NFIA: variants seen among roughly 807,000 people sequenced by gnomAD.
The protein encoded by NFIA is nuclear factor I A.
NFIA carries 8 observed loss-of-function variants against 62.8 expected under a neutral mutation model. The ratio of observed to expected loss-of-function variants is 0.13; its 90% confidence interval spans 0.07 to 0.23. The LOEUF is 0.23. Ranked by LOEUF, NFIA falls within the 10% of genes least tolerant of loss-of-function variation. NFIA has a pLI of 1.00. For synonymous variants in NFIA, 235 were observed against 238.1 expected (o/e 0.99, Z 0.12); for missense variants, 410 against 642.1 (o/e 0.64, Z 3.91).
At chr1:61,199,218 A>G (rs1253258424) in intron 2 of NFIA, among the ~76,000 whole-genome samples, 2 of 152,208 alleles carry the variant, frequency 1.3e-5, no homozygotes, top group Non-Finnish European at 2.9e-5. Context: ...TACATTTGAA[A>G]TTTTAAAATA....
chr1:61,102,845 GATGTTTCAGTAAATTCTAACGCATCAGC>G (rs1199208508), intron 2 of NFIA, among the ~76,000 whole-genome samples: 1 of 152,128 alleles, frequency 6.6e-6, no homozygotes, highest in Non-Finnish European at 1.5e-5. Flanking sequence ...CTGCTAGGCT[GATGTTTCAGTAAATTCTAACGCATCAGC>G]CTCAGATCTT....
intron 2 of NFIA, among the ~76,000 whole-genome samples, chr1:61,149,057 CTTTTTT>C (rs3067418): frequency 2.2e-5 from 3 of 136,084 alleles, no homozygotes; most frequent in Non-Finnish European, 3.2e-5. Context: ...TTCTTTCTTT[CTTTTTT>C]TTTTTTTTTT....
chr1:61,231,909 G>A (rs1654699952), intron 2 of NFIA, among the ~76,000 whole-genome samples: 3 of 151,866 alleles, frequency 2.0e-5, no homozygotes, highest in Admixed American at 1.3e-4. Context: ...CAACAGTATT[G>A]CATTCTGAGA....
At chr1:61,172,698 C>G (rs1481225336) in intron 2 of NFIA, among the ~76,000 whole-genome samples, 1 of 152,196 alleles carries the variant, frequency 6.6e-6, no homozygotes, top group Non-Finnish European at 1.5e-5. Flanking sequence ...CTTACCTGTC[C>G]TCAGCCAGTA....
At chr1:61,300,480 T>C (rs1021012777) in intron 3 of NFIA, among the ~76,000 whole-genome samples, 2 of 152,110 alleles carry the variant, frequency 1.3e-5, no homozygotes, top group African/African-American at 4.8e-5. Flanking sequence ...GAAAGTACCA[T>C]TAAGCATGGC....
intron 1 of NFIA, among the ~76,000 whole-genome samples, chr1:61,084,487 A>G (rs1419963905): frequency 6.6e-6 from 1 of 152,126 alleles, no homozygotes; most frequent in African/African-American, 2.4e-5. Context: ...GAAGTATGGA[A>G]TGAAACTTTT....
At chr1:61,305,191 G>A (rs1479793552) in intron 3 of NFIA, among the ~76,000 whole-genome samples, 1 of 152,110 alleles carries the variant, frequency 6.6e-6, no homozygotes, top group African/African-American at 2.4e-5. Context: ...GTAGAAAATG[G>A]AGATATGGTA....
Position 61,335,093 on chromosome 1 carries a change from A to G in NFIA, c.700+2507A>G, listed in dbSNP as rs563273275. 4.6e-5 allele frequency among the ~76,000 whole-genome samples: 7 copies of G among 152,280 alleles called. No individual in the cohort carries two copies. The East Asian group carries it at 1.4e-3, about 29-fold the overall frequency. ...TGCTTAGCCAGTGCCTGGCATCATGAACATCCTTTGGCTCTCAAATGCTTT... is the reference window on the plus strand; with the variant it reads ...TGCTTAGCCAGTGCCTGGCATCATGGACATCCTTTGGCTCTCAAATGCTTT... On this transcript the variant is annotated intron_variant, in intron 4 of 10. Coordinates refer to ENST00000403491, the MANE Select transcript of NFIA (RefSeq NM_001134673.4).
intron 4 of NFIA, among the ~76,000 whole-genome samples, chr1:61,341,624 C>T (rs903077093): frequency 6.6e-6 from 1 of 152,100 alleles, no homozygotes; most frequent in African/African-American, 2.4e-5. Context: ...ACCACAGGCA[C>T]GCGTTGCCAC....
intron 3 of NFIA, among the ~76,000 whole-genome samples, chr1:61,287,340 C>T (rs1317864923): frequency 1.3e-5 from 2 of 152,154 alleles, no homozygotes; most frequent in African/African-American, 2.4e-5. Context: ...AGCCAAGTTA[C>T]TTGCATGGAA....
chr1:61,310,063 G>A (rs1391346664), intron 3 of NFIA, among the ~76,000 whole-genome samples: 1 of 152,168 alleles, frequency 6.6e-6, no homozygotes, highest in Non-Finnish European at 1.5e-5. Flanking sequence ...TTTTACCATG[G>A]TAGAGATAAT....
intron 6 of NFIA, among the ~76,000 whole-genome samples, chr1:61,362,459 C>A (rs1215378607): frequency 6.6e-6 from 1 of 152,138 alleles, no homozygotes; most frequent in Non-Finnish European, 1.5e-5. Flanking sequence ...TTTCCGTTTA[C>A]CTGCCTTAAA....
At chr1:61,140,531 TTTCTC>T (rs1224232747) in intron 2 of NFIA, among the ~76,000 whole-genome samples, 1 of 152,124 alleles carries the variant, frequency 6.6e-6, no homozygotes, top group Non-Finnish European at 1.5e-5. Context: ...GTAGAAAAGT[TTTCTC>T]TTCGCAATGG....
intron 2 of NFIA, among the ~76,000 whole-genome samples, chr1:61,264,824 C>T (rs557002262): frequency 1.3e-5 from 2 of 152,100 alleles, no homozygotes; most frequent in South Asian, 2.1e-4. Context: ...TTTTATCTCC[C>T]CCCAGTGTAA....
At chr1:61,277,490 A>C in intron 2 of NFIA, 30 bp from the exon 3 acceptor site, 1 of 1,612,450 alleles carries the variant, frequency 6.2e-7, no homozygotes, top group Non-Finnish European at 8.5e-7. Flanking sequence ...CAGACCCTGT[A>C]ATTTTTGGCT....
chr1:61,402,328 G>A (rs375327537), intron 7 of NFIA, among the ~76,000 whole-genome samples: 2 of 152,038 alleles, frequency 1.3e-5, no homozygotes, highest in African/African-American at 2.4e-5. Flanking sequence ...ATGAGCCACC[G>A]TACCAGGCCA....
At chr1:61,136,641 G>A (rs868730251) in intron 2 of NFIA, among the ~76,000 whole-genome samples, 3 of 152,098 alleles carry the variant, frequency 2.0e-5, no homozygotes, top group African/African-American at 7.2e-5. Context: ...TAAAAATAAA[G>A]GCTATACTTA....
chr1:61,197,053 C>A (rs189619070), intron 2 of NFIA, among the ~76,000 whole-genome samples: 27 of 152,094 alleles, frequency 1.8e-4, no homozygotes, highest in African/African-American at 6.5e-4. Flanking sequence ...TCAGTGATGG[C>A]TCTACCTTAA....
At chr1:61,361,451 T>C (rs1471972281) in intron 6 of NFIA, among the ~76,000 whole-genome samples, 3 of 152,186 alleles carry the variant, frequency 2.0e-5, no homozygotes, top group Non-Finnish European at 4.4e-5. Context: ...GAATTAAACA[T>C]ATAGGTTTGG....
Sources: allele counts gnomAD v4.1 joint callset (sites outside exome capture counted in the v4.1 genomes callset), GRCh38; gene constraint gnomAD v4.1.1; transcripts MANE v1.5; gene names NCBI Gene and HGNC (gene_info 2026-07-23, HGNC 2026-07-21).